The following COBL variants were observed in gnomAD, a reference collection of about 807,000 sequenced individuals.
The protein encoded by COBL is protein cordon-bleu.
Under a neutral mutation model 98.8 loss-of-function variants are expected in COBL, and 51 were observed. The ratio of observed to expected loss-of-function variants is 0.52; its 90% CI spans 0.41 to 0.65. The LOEUF is 0.65. COBL is among the 30% of genes least tolerant of loss of function. The probability of loss-of-function intolerance (pLI) is 0.00; values close to 1 mark genes in which losing one functional copy is unlikely to be tolerated. For missense variants in COBL, 1,617 were observed against 1,617.5 expected, an observed-to-expected ratio of 1.00 and a Z score of 0.01; for synonymous variants, 634 against 651.7, an observed-to-expected ratio of 0.97 and a Z score of 0.41.
rs1018997460 is a variant in COBL, at chr7:51,056,645, G to C, written c.1097-12953C>G. On this transcript the variant is annotated intron_variant, in intron 7 of 12. Transcript: ENST00000265136. The stretch of plus-strand genomic sequence containing the variant: ...AACTGTTACCTGGTTCTGGACTAAG[G>C]AATAAAACATATCTTTTAATATTGA... Among the ~76,000 whole-genome samples, 5 of 152,294 alleles carry C rather than the reference G, an allele frequency of 3.3e-5. 1 individual carries two copies. The highest frequency in any genetic ancestry group is 6.5e-5 in the Admixed American group (1 of 15,300).
chr7:51,193,338 C>A (rs1240592623), intron 3 of COBL, 41 bp downstream of exon 3: 2 of 1,577,940 alleles, frequency 1.3e-6, no homozygotes, highest in African/African-American at 2.7e-5. Context: ...GGACCTGCCA[C>A]ACATTCAGAC....
At chr7:51,267,869 C>T (rs375731004) in intron 1 of COBL, among the ~76,000 whole-genome samples, 19 of 152,216 alleles carry the variant, frequency 1.2e-4, no homozygotes, top group South Asian at 4.1e-4. Flanking sequence ...CCACCACACC[C>T]GGCCAAAAAA....
intron 1 of COBL, among the ~76,000 whole-genome samples, chr7:51,277,095 A>G (rs1799377607): frequency 6.6e-6 from 1 of 152,206 alleles, no homozygotes; most frequent in Non-Finnish European, 1.5e-5. Flanking sequence ...AAAGGATCAC[A>G]GGCCAGTCAT....
chr7:51,240,189 T>C (rs924623306), intron 1 of COBL, among the ~76,000 whole-genome samples: 22 of 152,364 alleles, frequency 1.4e-4, no homozygotes, highest in African/African-American at 4.8e-4. Flanking sequence ...AGACCTAGGA[T>C]GGTGATGAGA....
chr7:51,300,373 C>T (rs1434093009), intron 1 of COBL, among the ~76,000 whole-genome samples: 1 of 152,126 alleles, frequency 6.6e-6, no homozygotes, highest in African/African-American at 2.4e-5. Context: ...GTTGGCCAGG[C>T]TGGTCTCAAA....
chr7:51,186,768 GGGCCTCCTATGAGGCCTCTAGA>G (rs2129053842), intron 4 of COBL, among the ~76,000 whole-genome samples: 1 of 152,276 alleles, frequency 6.6e-6, no homozygotes, highest in South Asian at 2.1e-4. Context: ...TGACTGATAG[GGGCCTCCTATGAGGCCTCTAGA>G]GGCTTGGCAG....
intron 1 of COBL, among the ~76,000 whole-genome samples, chr7:51,262,434 CCATA>C (rs1347751544): frequency 6.6e-6 from 1 of 152,160 alleles, no homozygotes; most frequent in Non-Finnish European, 1.5e-5. Context: ...GTCAGTAGGA[CCATA>C]CAAACAGTTC....
Position 51,264,035 on chromosome 7 carries a change from T to C in COBL, c.42-44091A>G, listed in dbSNP as rs529243728. Among the ~76,000 whole-genome samples the C allele has an allele frequency of 8.5e-5, 13 of 152,220 alleles. No individual in the cohort carries two copies. In the East Asian group the frequency reaches 1.5e-3, roughly 18 times the overall value. On this transcript the variant is annotated intron_variant, in intron 1 of 12. Coordinates refer to ENST00000265136, the MANE Select transcript of COBL (RefSeq NM_015198.5). ...TAGAAGATGAAACTGAAACCTAGAT[T>C]ATGTAGCTGTCAAAAGACAACAAAA...
At chr7:51,213,933 T>A (rs1172510895) in intron 2 of COBL, among the ~76,000 whole-genome samples, 2 of 152,066 alleles carry the variant, frequency 1.3e-5, no homozygotes, top group African/African-American at 4.8e-5. Flanking sequence ...GGAAAGGGAA[T>A]GCCTTCTATA....
intron 2 of COBL, among the ~76,000 whole-genome samples, chr7:51,205,638 T>C (rs1791606900): frequency 7.4e-6 from 1 of 135,314 alleles, no homozygotes; most frequent in African/African-American, 2.7e-5. Flanking sequence ...TTTTGTTTTT[T>C]GGTTTTTTGT....
At chr7:51,043,339 T>C in intron 8 of COBL, 44 bp downstream of exon 8, 1 of 1,563,752 alleles carries the variant, frequency 6.4e-7, no homozygotes, top group South Asian at 1.1e-5. Context: ...GAGACACAGA[T>C]GTGGCTGTGA....
intron 1 of COBL, among the ~76,000 whole-genome samples, chr7:51,269,479 C>T (rs917836035): frequency 1.3e-5 from 2 of 152,172 alleles, no homozygotes; most frequent in East Asian, 1.9e-4. Flanking sequence ...CCTCCAGAGT[C>T]GGGCACTAGG....
intron 1 of COBL, among the ~76,000 whole-genome samples, chr7:51,309,349 G>A (rs1348455630): frequency 6.6e-6 from 1 of 152,144 alleles, no homozygotes; most frequent in African/African-American, 2.4e-5. Context: ...AAATCAGCAG[G>A]TCTCTGGGAA....
chr7:51,026,427 A>G, intron 11 of COBL, 119 bp downstream of exon 11: 1 of 1,356,092 alleles, frequency 7.4e-7, no homozygotes, highest in Non-Finnish European at 1.0e-6. Context: ...CTCTAAAGAC[A>G]GATGGTTCAC....
At chr7:51,168,196 G>A (rs1375817887) in intron 5 of COBL, among the ~76,000 whole-genome samples, 2 of 152,062 alleles carry the variant, frequency 1.3e-5, no homozygotes, top group Admixed American at 6.6e-5. Context: ...AATATATAAG[G>A]AGCTCAAACA....
chr7:51,044,716 G>A (rs1405938504), intron 7 of COBL, among the ~76,000 whole-genome samples: 1 of 152,196 alleles, frequency 6.6e-6, no homozygotes, highest in East Asian at 1.9e-4. Context: ...GATGCCCAAA[G>A]TGAATTAAGA....
chr7:51,266,341 G>C (rs1798196457), intron 1 of COBL, among the ~76,000 whole-genome samples: 1 of 152,244 alleles, frequency 6.6e-6, no homozygotes, highest in Non-Finnish European at 1.5e-5. Flanking sequence ...CATTCTGGGA[G>C]GCCGAGGCAG....
chr7:51,101,882 C>T (rs2128963296), intron 6 of COBL, among the ~76,000 whole-genome samples: 1 of 152,188 alleles, frequency 6.6e-6, no homozygotes, highest in South Asian at 2.1e-4. Context: ...TGTGTTCCCC[C>T]AAAATTCAGG....
chr7:51,097,257 T>C (rs997611625), intron 6 of COBL, among the ~76,000 whole-genome samples: 5 of 152,134 alleles, frequency 3.3e-5, no homozygotes, highest in Admixed American at 6.5e-5. Flanking sequence ...CCTTTTATGA[T>C]TTAAAAAAAC....
Sources: gnomAD v4.1 joint callset for allele counts (sites outside exome capture counted in the v4.1 genomes callset) on GRCh38, gnomAD v4.1.1 for gene constraint, MANE v1.5 for transcripts, NCBI Gene and HGNC (gene_info 2026-07-23, HGNC 2026-07-21) for gene names.